The following NXPE2 variants were observed in gnomAD, a reference collection of about 807,000 sequenced individuals.
The protein encoded by NXPE2 is NXPE family member 2.
A neutral mutation model predicts 34.4 loss-of-function variants in NXPE2; 34 were observed. That is an observed-to-expected ratio of 0.99 (90% CI 0.75 to 1.31). The LOEUF is 1.31. NXPE2 is among the 40% of genes most tolerant of loss of function. The probability of loss-of-function intolerance (pLI) is 0.00; values close to 1 mark genes in which losing one functional copy is unlikely to be tolerated. For missense variants in NXPE2, 649 were observed against 672.5 expected, an observed-to-expected ratio of 0.97 and a Z score of 0.39; for synonymous variants, 235 against 231.3, an observed-to-expected ratio of 1.02 and a Z score of -0.15.
the NXPE2 span, among the ~76,000 whole-genome samples, chr11:114,588,195 C>T: frequency 2.6e-5 from 4 of 152,124 alleles, no homozygotes; most frequent in Non-Finnish European, 4.4e-5. Context: ...CTCTGGGGCC[C>T]CCTCCAGCTG....
the NXPE2 span, among the ~76,000 whole-genome samples, chr11:114,770,944 G>A: frequency 2.6e-5 from 4 of 152,098 alleles, no homozygotes; most frequent in African/African-American, 7.2e-5. Context: ...GTACAATAAG[G>A]ACCATGATAC....
the NXPE2 span, among the ~76,000 whole-genome samples, chr11:114,719,874 C>T: frequency 1.3e-5 from 2 of 152,172 alleles, no homozygotes; most frequent in African/African-American, 4.8e-5. Flanking sequence ...CTTTCTTAGA[C>T]CTACTGCCTC....
the NXPE2 span, among the ~76,000 whole-genome samples, chr11:114,483,936 T>C: frequency 1.3e-5 from 2 of 152,228 alleles, no homozygotes; most frequent in Non-Finnish European, 1.5e-5. Flanking sequence ...CAACTCATGC[T>C]ACCTCACCTT....
At chr11:114,697,914 A>G (rs1341003422) in intron 2 of NXPE2, 131 bp from the exon 3 acceptor site, 1 of 887,554 alleles carries the variant, frequency 1.1e-6, no homozygotes, top group Non-Finnish European at 1.6e-6. Flanking sequence ...ATAACTGAAA[A>G]CCAGTTAGTA....
the NXPE2 span, chr11:114,529,837 C>T: frequency 4.6e-5 from 11 of 240,116 alleles, no homozygotes; most frequent in East Asian, 1.9e-4. Flanking sequence ...AATGGATCAA[C>T]GCAAAGATAT....
At chr11:114,592,511 G>T in the NXPE2 span, among the ~76,000 whole-genome samples, 4 of 151,182 alleles carry the variant, frequency 2.6e-5, no homozygotes, top group Admixed American at 2.0e-4. Context: ...CAAGAAATTG[G>T]AGAACACACA....
chr11:114,658,961 A>C, the NXPE2 span, among the ~76,000 whole-genome samples: 10 of 152,174 alleles, frequency 6.6e-5, no homozygotes, highest in Admixed American at 1.3e-4. Context: ...TTTCTGGGAC[A>C]TTGACACACA....
chr11:114,767,833 C>A, the NXPE2 span, among the ~76,000 whole-genome samples: 1 of 152,152 alleles, frequency 6.6e-6, no homozygotes. Context: ...AGCACACATT[C>A]CACTGATGTC....
the NXPE2 span, among the ~76,000 whole-genome samples, chr11:114,749,859 C>T: frequency 6.6e-6 from 1 of 152,170 alleles, no homozygotes; most frequent in African/African-American, 2.4e-5. Flanking sequence ...CCTGCTCAAG[C>T]TTTGCCACCC....
At chr11:114,759,588 C>T in the NXPE2 span, among the ~76,000 whole-genome samples, 1 of 152,084 alleles carries the variant, frequency 6.6e-6, no homozygotes, top group South Asian at 2.1e-4. Context: ...AACTTTCTCC[C>T]AGTTATGTAG....
At chr11:114,528,873 G>A in the NXPE2 span, 2 of 632,886 alleles carry the variant, frequency 3.2e-6, no homozygotes, top group South Asian at 3.5e-5. Context: ...TCCTTACTAG[G>A]ATTTAGGCAT....
the NXPE2 span, among the ~76,000 whole-genome samples, chr11:114,610,434 A>T: frequency 6.6e-6 from 1 of 151,636 alleles, no homozygotes. Context: ...CTCTCGGGTA[A>T]CCACTGTTTC....
chr11:114,810,834 C>T, the NXPE2 span, among the ~76,000 whole-genome samples: 1 of 152,124 alleles, frequency 6.6e-6, no homozygotes, highest in African/African-American at 2.4e-5. Flanking sequence ...CATCCCATTA[C>T]TGGGTATATA....
At chr11:114,621,068 A>G in the NXPE2 span, among the ~76,000 whole-genome samples, 9 of 151,414 alleles carry the variant, frequency 5.9e-5, no homozygotes, top group South Asian at 1.7e-3. Flanking sequence ...GGTAACCACT[A>G]TTACCCCGTG....
At chr11:114,490,282 C>T in the NXPE2 span, among the ~76,000 whole-genome samples, 10 of 152,266 alleles carry the variant, frequency 6.6e-5, no homozygotes, top group South Asian at 1.9e-3. Context: ...CCATACTGCC[C>T]AAGATGATTT....
chr11:114,582,702 C>T, the NXPE2 span: 1 of 1,614,126 alleles, frequency 6.2e-7, no homozygotes, highest in Admixed American at 1.7e-5. Context: ...CATCCTGGCC[C>T]TCAGGAAATC....
chr11:114,480,868 A>G, the NXPE2 span, among the ~76,000 whole-genome samples: 1 of 152,178 alleles, frequency 6.6e-6, no homozygotes, highest in Non-Finnish European at 1.5e-5. Flanking sequence ...GCTCCTTTTC[A>G]GGAAAATAAA....
At chr11:114,478,798 C>T in the NXPE2 span, among the ~76,000 whole-genome samples, 6 of 152,164 alleles carry the variant, frequency 3.9e-5, no homozygotes, top group Non-Finnish European at 5.9e-5. Flanking sequence ...AAATTCAGTT[C>T]TCTTTTATTC....
chr11:114,735,551 A>G, the NXPE2 span, among the ~76,000 whole-genome samples: 2 of 152,212 alleles, frequency 1.3e-5, no homozygotes, highest in African/African-American at 4.8e-5. Context: ...ATAAAACAAG[A>G]TAAGGTATGT....
Sources: allele counts gnomAD v4.1 joint callset (sites outside exome capture counted in the v4.1 genomes callset), GRCh38; gene constraint gnomAD v4.1.1; transcripts MANE v1.5; gene names NCBI Gene and HGNC (gene_info 2026-07-23, HGNC 2026-07-21).